Variants in AGBL1 observed in about 807,000 individuals in gnomAD.
AGBL1 encodes the protein cytosolic carboxypeptidase 4.
A neutral mutation model predicts 118.9 loss-of-function variants in AGBL1; 130 were observed. That is an observed-to-expected ratio of 1.09 (90% CI 0.95 to 1.26). The LOEUF is 1.26. Ranked by LOEUF, AGBL1 falls within the 50% of genes most tolerant of loss-of-function variation. The pLI is 0.00. For missense variants in AGBL1, 1,584 were observed against 1,298.1 expected (o/e 1.22, Z -3.38); for synonymous variants, 555 against 478.9 (o/e 1.16, Z -2.08).
chr15:86,687,311 C>T (rs1234131844), intron 22 of AGBL1, among the ~76,000 whole-genome samples: 2 of 152,088 alleles, frequency 1.3e-5, no homozygotes, highest in African/African-American at 4.8e-5. Flanking sequence ...TCTGAAGTAA[C>T]TGCCCTCACC....
At chr15:86,818,804 T>C (rs2078900701) in intron 22 of AGBL1, among the ~76,000 whole-genome samples, 1 of 152,188 alleles carries the variant, frequency 6.6e-6, no homozygotes, top group Non-Finnish European at 1.5e-5. Context: ...CAAATTGTTA[T>C]TCTGCCTCTT....
At chr15:86,445,136 G>A (rs2082106483) in intron 18 of AGBL1, among the ~76,000 whole-genome samples, 2 of 152,172 alleles carry the variant, frequency 1.3e-5, no homozygotes, top group African/African-American at 4.8e-5. Context: ...AAAGGCCTCA[G>A]ACAGGGGTCA....
At chr15:86,283,049 TC>T (rs1357578852) in intron 16 of AGBL1, among the ~76,000 whole-genome samples, 4 of 152,202 alleles carry the variant, frequency 2.6e-5, no homozygotes, top group Non-Finnish European at 5.9e-5. Context: ...TGTTGGATAA[TC>T]GTTCGTTTTA....
intron 23 of AGBL1, among the ~76,000 whole-genome samples, chr15:86,967,419 G>T (rs1274312425): frequency 6.6e-6 from 1 of 152,010 alleles, no homozygotes; most frequent in Non-Finnish European, 1.5e-5. Context: ...TGTCCTGAAT[G>T]GTATTGCCTA....
At chr15:86,755,042 A>T (rs899468749) in intron 22 of AGBL1, among the ~76,000 whole-genome samples, 1 of 152,134 alleles carries the variant, frequency 6.6e-6, no homozygotes, top group Admixed American at 6.6e-5. Context: ...AAATGATGGC[A>T]TGGGAAATTG....
rs2079131664 is a variant in AGBL1 at position 86,269,927 on chromosome 15, A to C, written c.1847A>C (p.Tyr616Ser). ...TTGCTTCTGATCTGCAGGTTCGAGT[A>C]TGACTTGCTGGTCAACGCAGATGTG... The part of the protein sequence containing the change: ...RKAIQVREFE[Y>S]DLLVNADVNS... Residue 616 changes from tyrosine (Y) to serine (S), a missense_variant, in exon 14 of 23, where the codon TAT becomes TCT. By Grantham distance (144) the Tyr-to-Ser change is moderately radical. Transcript: ENST00000614907. The C allele has an allele frequency of 6.2e-7, 1 of 1,613,680 alleles. No individual in the cohort carries two copies. Among genetic ancestry groups the C allele is most frequent in the African/African-American group, 1.3e-5 (1 of 74,926 alleles).
intron 7 of AGBL1, among the ~76,000 whole-genome samples, chr15:86,248,655 C>T (rs189396515): frequency 7.9e-5 from 12 of 152,122 alleles, no homozygotes; most frequent in Admixed American, 7.9e-4. Flanking sequence ...GAGGATGAGC[C>T]GTTATTGGAA....
At chr15:86,842,666 G>A (rs2079262263) in intron 22 of AGBL1, among the ~76,000 whole-genome samples, 1 of 152,184 alleles carries the variant, frequency 6.6e-6, no homozygotes, top group Non-Finnish European at 1.5e-5. Context: ...ATGCTGGTGG[G>A]CTGATTATTT....
intron 22 of AGBL1, among the ~76,000 whole-genome samples, chr15:86,692,279 A>G (rs977425198): frequency 6.6e-5 from 10 of 152,132 alleles, no homozygotes; most frequent in African/African-American, 2.4e-4. Context: ...AGCAGATGGC[A>G]CATGGCAAAG....
At chr15:86,713,584 A>T (rs949262987) in intron 22 of AGBL1, among the ~76,000 whole-genome samples, 6 of 152,132 alleles carry the variant, frequency 3.9e-5, no homozygotes, top group Admixed American at 3.9e-4. Context: ...AGCAAGAGGG[A>T]AAAGAACTGG....
intron 22 of AGBL1, among the ~76,000 whole-genome samples, chr15:86,732,346 C>G (rs930124329): frequency 1.3e-4 from 20 of 152,112 alleles, no homozygotes; most frequent in African/African-American, 4.8e-4. Flanking sequence ...TCTACTCCAC[C>G]ACAGCTGGAA....
At chr15:87,012,936 A>G (rs962969829) in intron 24 of AGBL1, among the ~76,000 whole-genome samples, 1 of 152,254 alleles carries the variant, frequency 6.6e-6, no homozygotes, top group Middle Eastern at 3.4e-3. Flanking sequence ...AATTGGCTGA[A>G]TATTTTGTCT....
At chr15:86,465,563 C>T (rs371407764) in intron 18 of AGBL1, among the ~76,000 whole-genome samples, 7 of 152,106 alleles carry the variant, frequency 4.6e-5, no homozygotes, top group South Asian at 2.1e-4. Context: ...TTCTCAGCAA[C>T]GAATAACCTG....
At chr15:86,841,692 C>T (rs2079247389) in intron 22 of AGBL1, among the ~76,000 whole-genome samples, 2 of 151,972 alleles carry the variant, frequency 1.3e-5, no homozygotes, top group South Asian at 4.2e-4. Context: ...ACTAAAAACA[C>T]AAAAATTATC....
chr15:86,999,812 A>G (rs1042632991), intron 24 of AGBL1, among the ~76,000 whole-genome samples: 50 of 137,614 alleles, frequency 3.6e-4, no homozygotes, highest in African/African-American at 1.3e-3. Flanking sequence ...ACTGACTTCC[A>G]CAATGGTTGA....
chr15:86,557,036 T>C (rs1415521141), intron 21 of AGBL1, among the ~76,000 whole-genome samples: 2 of 152,346 alleles, frequency 1.3e-5, no homozygotes, highest in East Asian at 3.9e-4. Context: ...TAATACGATA[T>C]TTCCTCTTCT....
At chr15:86,498,580 G>A (rs1215057719) in intron 18 of AGBL1, among the ~76,000 whole-genome samples, 2 of 151,870 alleles carry the variant, frequency 1.3e-5, no homozygotes, top group African/African-American at 2.4e-5. Context: ...TGGAAACCCT[G>A]TAATAATGGA....
At position 86,855,283 on chromosome 15, in the gene AGBL1, G is replaced by T. The variant is rs370560991; in HGVS notation, c.3159-51804G>T. Among the ~76,000 whole-genome samples, 16 of 152,278 alleles carry T rather than the reference G, an allele frequency of 1.1e-4. No homozygotes were observed. In the South Asian group the frequency reaches 3.1e-3, roughly 30 times the overall value. ...ACAGGGGGAGGGGGTAGACACTGAA[G>T]AATACACAAATCTGATAAACAAAAA... On this transcript the variant is annotated intron_variant, in intron 22 of 22. Transcript: ENST00000614907.
At chr15:86,450,182 A>G (rs1182941094) in intron 18 of AGBL1, among the ~76,000 whole-genome samples, 2 of 152,200 alleles carry the variant, frequency 1.3e-5, no homozygotes, top group African/African-American at 4.8e-5. Flanking sequence ...CCCGTGATGC[A>G]TGGGGTCCAT....
Sources: allele counts gnomAD v4.1 joint callset (sites outside exome capture counted in the v4.1 genomes callset), GRCh38; gene constraint gnomAD v4.1.1; transcripts MANE v1.5; gene names NCBI Gene and HGNC (gene_info 2026-07-23, HGNC 2026-07-21).